FBXO3: variants seen among roughly 807,000 people sequenced by gnomAD.
FBXO3 encodes F-box protein 3.
In FBXO3, 17 loss-of-function variants were observed where a neutral mutation model predicts 64.8. That is an observed-to-expected ratio of 0.26 (90% CI 0.18 to 0.39). The LOEUF is 0.39. Among genes scored for constraint, FBXO3 ranks in the 10% least tolerant of loss-of-function variants. The pLI, the probability that FBXO3 is intolerant of heterozygous loss-of-function variation, is 1.00. For synonymous variants in FBXO3, 182 were observed against 201.6 expected, an observed-to-expected ratio of 0.90 and a Z score of 0.82; for missense variants, 420 against 589.9, an observed-to-expected ratio of 0.71 and a Z score of 2.98.
intron 10 of FBXO3, chr11:33,742,859 T>C (rs894781925): frequency 6.6e-6 from 1 of 152,162 alleles, no homozygotes. Context: ...TGGGTTGGTG[T>C]TTGGGAAGTA....
intron 6 of FBXO3, among the ~76,000 whole-genome samples, chr11:33,751,819 C>T (rs1854967860): frequency 6.6e-6 from 1 of 152,210 alleles, no homozygotes; most frequent in Admixed American, 6.5e-5. Context: ...TTCATCCCCC[C>T]AACTATTGTT....
intron 4 of FBXO3, chr11:33,757,150 G>A (rs1855117903): frequency 2.0e-6 from 1 of 503,854 alleles, no homozygotes; most frequent in Admixed American, 2.0e-5. Context: ...CACATACAAA[G>A]GAACACCAGG....
chr11:33,758,045 T>C (rs1418744265), intron 4 of FBXO3, among the ~76,000 whole-genome samples: 2 of 152,190 alleles, frequency 1.3e-5, no homozygotes, highest in African/African-American at 4.8e-5. Context: ...GTGTTTAATA[T>C]GACAAAACAA....
chr11:33,754,167 A>C (rs1334795313), intron 6 of FBXO3: 1 of 279,738 alleles, frequency 3.6e-6, no homozygotes, highest in Non-Finnish European at 6.6e-6. Context: ...TGTTAAGAAA[A>C]ATATATACAC....
At chr11:33,758,397 G>C in intron 4 of FBXO3, 90 bp downstream of exon 4, 1 of 863,404 alleles carries the variant, frequency 1.2e-6, no homozygotes, top group Non-Finnish European at 1.7e-6. Flanking sequence ...TCTTTAATTT[G>C]TTAAGGGTAA....
At chr11:33,757,156 C>A (rs982066889) in intron 4 of FBXO3, 1 of 501,806 alleles carries the variant, frequency 2.0e-6, no homozygotes. Flanking sequence ...CAAAGGAACA[C>A]CAGGTTCCAA....
At chr11:33,750,212 A>T (rs751648590) in intron 8 of FBXO3, among the ~76,000 whole-genome samples, 3 of 152,136 alleles carry the variant, frequency 2.0e-5, no homozygotes, top group Non-Finnish European at 2.9e-5. Context: ...AAAATGCATG[A>T]CTTTATTATG....
chr11:33,760,203 C>T (rs1855208658), intron 3 of FBXO3, among the ~76,000 whole-genome samples: 1 of 152,128 alleles, frequency 6.6e-6, no homozygotes, highest in Admixed American at 6.5e-5. Context: ...AGAAAAATTA[C>T]AAAGAAAAGT....
intron 2 of FBXO3, among the ~76,000 whole-genome samples, chr11:33,769,596 A>G (rs1474741041): frequency 1.3e-5 from 2 of 152,164 alleles, no homozygotes; most frequent in Non-Finnish European, 2.9e-5. Context: ...ATGAAGTATA[A>G]AATTAAGAAT....
At chr11:33,750,682 A>G in intron 7 of FBXO3, 21 bp from the exon 8 acceptor site, 3 of 1,599,142 alleles carry the variant, frequency 1.9e-6, no homozygotes, top group African/African-American at 2.7e-5. Flanking sequence ...TAAAAATTAA[A>G]CATTTTAAAA....
intron 8 of FBXO3, among the ~76,000 whole-genome samples, chr11:33,749,944 G>T (rs1414437867): frequency 2.6e-5 from 4 of 151,908 alleles, no homozygotes; most frequent in African/African-American, 9.7e-5. Context: ...ATATATGCAT[G>T]TATGTGTATT....
At chr11:33,752,443 C>A (rs1418884043) in intron 6 of FBXO3, among the ~76,000 whole-genome samples, 1 of 152,016 alleles carries the variant, frequency 6.6e-6, no homozygotes, top group Non-Finnish European at 1.5e-5. Flanking sequence ...TTCAATTAAC[C>A]CAGTTTCTAC....
At chr11:33,751,100 T>C (rs182978593) in intron 7 of FBXO3, among the ~76,000 whole-genome samples, 4 of 152,342 alleles carry the variant, frequency 2.6e-5, no homozygotes, top group Admixed American at 2.0e-4. Context: ...CAGGCTATTA[T>C]GAACCAGTAT....
rs1855161291 is a variant in FBXO3, at chr11:33,758,425, T to G, written c.473+62A>C. On this transcript the variant is annotated intron_variant, in intron 4 of 10. Transcript: ENST00000265651. ...AAGGGTAACTACAAATACAATTTAT[T>G]TACTTTCATTCTAAAAAATAACTTG... is the stretch of plus-strand genomic sequence containing the variant. The G allele has an allele frequency of 4.0e-6, 5 of 1,238,884 alleles. No homozygotes were observed. In the South Asian group the frequency reaches 7.1e-5, roughly 18 times the overall value. The allele number at this position is 1,238,884 out of a possible 1,614,324, so 76.7% of individuals were successfully genotyped here. A position where few individuals can be genotyped will look rare whatever the true frequency, so the allele number is the denominator to read the frequency against.
At chr11:33,763,896 A>G (rs2133616353) in intron 3 of FBXO3, among the ~76,000 whole-genome samples, 1 of 152,354 alleles carries the variant, frequency 6.6e-6, no homozygotes, top group South Asian at 2.1e-4. Context: ...CCTGCCAAAA[A>G]GGCTAAAATA....
In FBXO3 at chr11:33,741,866, C is replaced by T. The variant is rs1236010489; in HGVS notation, c.*42G>A. 4 of 1,535,952 alleles carry T rather than the reference C, an allele frequency of 2.6e-6. No homozygotes were observed. Among genetic ancestry groups the T allele is most frequent in the Middle Eastern group, 3.5e-4 (2 of 5,700 alleles). Reference sequence around the variant, plus strand: ...TTACATTATTGAGAAATCTATTTAACAGCCTAGAATCATCCTAGTGCTTCC... The same window carrying T: ...TTACATTATTGAGAAATCTATTTAATAGCCTAGAATCATCCTAGTGCTTCC... On this transcript the variant is annotated 3_prime_UTR_variant, in exon 11 of 11. Coordinates refer to ENST00000265651, the MANE Select transcript of FBXO3 (RefSeq NM_012175.4).
At position 33,758,609 on chromosome 11, in the gene FBXO3, G is replaced by A; in HGVS notation, c.359-8C>T. 1.9e-6 allele frequency: 3 copies of A among 1,568,178 alleles called. No individual in the cohort carries two copies. Among genetic ancestry groups the A allele is most frequent in the South Asian group, 1.2e-5 (1 of 85,962 alleles). ...CTTCCTCTCGAGCACCCTCTATAAA[G>A]GCACAAAAAAGAGTGAATTGTGAAG... On this transcript the variant is annotated splice_polypyrimidine_tract_variant and splice_region_variant and intron_variant, in intron 3 of 10. Coordinates refer to ENST00000265651, the MANE Select transcript of FBXO3 (RefSeq NM_012175.4).
chr11:33,755,820 A>G lies in FBXO3; in HGVS notation c.629T>C (p.Val210Ala). ...IHTGLSQYIAVEAAEGRNKNE... is the reference protein window; with the variant it reads ...IHTGLSQYIAAEAAEGRNKNE... ...TTTGTTTCGGCCCTCTGCAGCTTCC[A>G]CTGCTATGTACTGACTCAAACCAGT... The change falls in exon 5 of 11, where the codon GTG (valine) becomes GCG (alanine). Residue 210 changes from valine (V) to alanine (A), a missense_variant. Coordinates refer to ENST00000265651, the MANE Select transcript of FBXO3 (RefSeq NM_012175.4). The G allele has an allele frequency of 6.2e-7, 1 of 1,614,144 alleles. No homozygotes were observed. Among genetic ancestry groups the G allele is most frequent in the Non-Finnish European group, 8.5e-7 (1 of 1,180,016 alleles).
intron 3 of FBXO3, chr11:33,763,269 T>C: frequency 2.2e-6 from 1 of 449,876 alleles, no homozygotes; most frequent in South Asian, 1.6e-5. Flanking sequence ...AAGGCCAGCA[T>C]CATCTTGATA....
Sources: gnomAD v4.1 joint callset for allele counts (sites outside exome capture counted in the v4.1 genomes callset) on GRCh38, gnomAD v4.1.1 for gene constraint, MANE v1.5 for transcripts, NCBI Gene and HGNC (gene_info 2026-07-23, HGNC 2026-07-21) for gene names.